Variants in ABLIM2 observed in about 807,000 individuals in gnomAD.
ABLIM2 encodes the protein actin-binding LIM protein 2.
A neutral mutation model predicts 97.7 loss-of-function variants in ABLIM2; 53 were observed. The ratio of observed to expected loss-of-function variants is 0.54; its 90% CI spans 0.44 to 0.68. The LOEUF (loss-of-function observed/expected upper bound fraction) is 0.68, where lower values mean the gene tolerates loss of function less well. ABLIM2 is among the 30% of genes least tolerant of loss of function. The pLI, the probability that ABLIM2 is intolerant of heterozygous loss-of-function variation, is 0.00. For missense variants in ABLIM2, 835 were observed against 867.2 expected (o/e 0.96, Z 0.47); for synonymous variants, 361 against 345.8 (o/e 1.04, Z -0.49).
At chr4:8,073,902 C>A (rs1358129640) in intron 6 of ABLIM2, among the ~76,000 whole-genome samples, 2 of 151,312 alleles carry the variant, frequency 1.3e-5, no homozygotes, top group Non-Finnish European at 2.9e-5. Flanking sequence ...AGCCTGCCAA[C>A]ATGGTGACAT....
In ABLIM2 at chr4:8,071,805, G is replaced by A; in HGVS notation, c.675+5823C>T. On this transcript the variant is annotated intron_variant, in intron 6 of 20. Coordinates refer to ENST00000447017, the MANE Select transcript of ABLIM2 (RefSeq NM_001130083.2). The surrounding 1 kb of genome is among the most constrained non-coding windows in gnomAD (Gnocchi z 6.2). ...CTGGGCACCAGAGCCCAGTCTGACG[G>A]CCCTGCTTGAGTGCCGTGCTCCCTG... The A allele has an allele frequency of 1.0e-6, 1 of 985,460 alleles. No homozygotes were observed. Among genetic ancestry groups the A allele is most frequent in the Non-Finnish European group, 1.2e-6 (1 of 830,012 alleles). The allele number at this position is 985,460 out of a possible 1,614,324, so 61.0% of individuals were successfully genotyped here.
chr4:8,152,366 T>C (rs1713254953), intron 1 of ABLIM2, among the ~76,000 whole-genome samples: 1 of 152,162 alleles, frequency 6.6e-6, no homozygotes, highest in Non-Finnish European at 1.5e-5. Context: ...CTCGCAGGCA[T>C]TTCTTCCTCC....
At chr4:8,094,682 T>C (rs1830499292) in intron 3 of ABLIM2, among the ~76,000 whole-genome samples, 1 of 152,240 alleles carries the variant, frequency 6.6e-6, no homozygotes, top group Admixed American at 6.5e-5. Flanking sequence ...GTGTATTTCA[T>C]TTCTGCCTTT....
intron 9 of ABLIM2, among the ~76,000 whole-genome samples, chr4:8,039,434 G>A (rs909697029): frequency 2.0e-5 from 3 of 152,106 alleles, no homozygotes; most frequent in Non-Finnish European, 4.4e-5. Flanking sequence ...GCCCCTGCCC[G>A]ACCCCTCAGA....
rs1760683917 is a variant in ABLIM2 at position 8,005,524 on chromosome 4, G to A, written c.1618+2535C>T. 2.0e-6 allele frequency: 1 copy of A among 505,738 alleles called. No individual in the cohort carries two copies. The highest frequency in any genetic ancestry group is 1.9e-5 in the African/African-American group (1 of 51,656). The allele number at this position is 505,738 out of a possible 1,614,324, so 31.3% of individuals were successfully genotyped here. ...GGTGCCCACGGACTCAGGTCTGGGG[G>A]CTACTTGGTGACAATCAAAAGAACC... On this transcript the variant is annotated intron_variant, in intron 16 of 20. Coordinates refer to ENST00000447017, the MANE Select transcript of ABLIM2 (RefSeq NM_001130083.2). The surrounding 1 kb of genome is among the most constrained non-coding windows in gnomAD (Gnocchi z 4.9).
Position 8,149,774 on chromosome 4 carries a change from G to A in ABLIM2, c.10+8906C>T, listed in dbSNP as rs115163518. Among the ~76,000 whole-genome samples, 847 of 152,096 alleles carry A rather than the reference G, an allele frequency of 5.6e-3. 4 individuals carry two copies. Among genetic ancestry groups the A allele is most frequent in the African/African-American group, 0.02 (821 of 41,488 alleles). ...TGACTGCTGGACACAGAGAAGGCCC[G>A]GACCTAGGCTGAGACTTCCCCAGCA... On this transcript the variant is annotated intron_variant, in intron 1 of 20. Coordinates refer to ENST00000447017, the MANE Select transcript of ABLIM2 (RefSeq NM_001130083.2). The surrounding 1 kb of genome is among the most constrained non-coding windows in gnomAD (Gnocchi z 6.4).
At position 8,071,049 on chromosome 4, in the gene ABLIM2, T is replaced by A. The variant is rs1016508839; in HGVS notation, c.675+6579A>T. On this transcript the variant is annotated intron_variant, in intron 6 of 20. Coordinates refer to ENST00000447017, the MANE Select transcript of ABLIM2 (RefSeq NM_001130083.2). The surrounding 1 kb of genome is among the most constrained non-coding windows in gnomAD (Gnocchi z 6.2). The stretch of plus-strand genomic sequence containing the variant: ...CCTGGAAGGTGGGGCTCTGAACACA[T>A]GGCCAGTGGCTTCTCCTCATCCACA... Among the ~76,000 whole-genome samples, 2 of 152,110 alleles carry A rather than the reference T, an allele frequency of 1.3e-5. No individual in the cohort carries two copies. Among genetic ancestry groups the A allele is most frequent in the Non-Finnish European group, 2.9e-5 (2 of 67,984 alleles).
chr4:8,098,992 G>A (rs563889555), intron 2 of ABLIM2, among the ~76,000 whole-genome samples: 65 of 152,338 alleles, frequency 4.3e-4, no homozygotes, highest in Non-Finnish European at 7.5e-4. Context: ...GCCTGCACTC[G>A]CTCCTCCTGG....
At chr4:8,074,853 T>C (rs1425043236) in intron 6 of ABLIM2, among the ~76,000 whole-genome samples, 1 of 146,866 alleles carries the variant, frequency 6.8e-6, no homozygotes, top group Non-Finnish European at 1.5e-5. Context: ...CAGTCTCGGC[T>C]CACTGCAACC....
chr4:8,064,734 C>T (rs185445752), intron 6 of ABLIM2, among the ~76,000 whole-genome samples: 11 of 152,084 alleles, frequency 7.2e-5, no homozygotes, highest in African/African-American at 2.7e-4. Flanking sequence ...CCAGGCAAAG[C>T]GATCTACCTG....
intron 3 of ABLIM2, among the ~76,000 whole-genome samples, chr4:8,093,242 C>A (rs755860794): frequency 2.6e-5 from 4 of 152,156 alleles, no homozygotes; most frequent in African/African-American, 4.8e-5. Context: ...TGTAGAGCAG[C>A]GCTTCATCAG....
chr4:7,995,556 G>T (rs1449634836), intron 16 of ABLIM2, among the ~76,000 whole-genome samples: 2 of 152,212 alleles, frequency 1.3e-5, no homozygotes. Context: ...GGACAGAGAA[G>T]AAATTCCATG....
At chr4:8,030,539 G>A (rs1441263786) in intron 10 of ABLIM2, among the ~76,000 whole-genome samples, 2 of 152,232 alleles carry the variant, frequency 1.3e-5, no homozygotes, top group African/African-American at 4.8e-5. Flanking sequence ...TGGCCTGTCA[G>A]AGCACGTCTC....
rs1342437302 is a variant in ABLIM2 at position 8,022,451 on chromosome 4, G to C, written c.1268-2148C>G. On this transcript the variant is annotated intron_variant, in intron 12 of 20. Transcript: ENST00000447017. The surrounding 1 kb of genome is among the most constrained non-coding windows in gnomAD (Gnocchi z 7.8). ...CATCAGCTTTCATCAGATACTTGGA[G>C]GGGCCTGAGGCCGCAGGGAAGCTGG... 1.3e-5 allele frequency among the ~76,000 whole-genome samples: 2 copies of C among 152,216 alleles called. No homozygotes were observed. The highest frequency in any genetic ancestry group is 1.9e-4 in the East Asian group (1 of 5,194).
rs571772524 is a variant in ABLIM2, at chr4:8,103,105, G to A, written c.154+3389C>T. Among the ~76,000 whole-genome samples, 13 of 152,358 alleles carry A rather than the reference G, an allele frequency of 8.5e-5. No individual in the cohort carries two copies. The East Asian group carries it at 2.5e-3, about 29-fold the overall frequency. On this transcript the variant is annotated intron_variant, in intron 2 of 20. Transcript: ENST00000447017. ...CGCACAGGGTGCAGTGTGGGAGAGG[G>A]AACATTTGGGCATCCATCATGACCC...
At chr4:8,115,823 G>A (rs1842542310) in intron 1 of ABLIM2, among the ~76,000 whole-genome samples, 1 of 152,150 alleles carries the variant, frequency 6.6e-6, no homozygotes, top group Non-Finnish European at 1.5e-5. Context: ...AAGACACCAG[G>A]CAGCTTCCAA....
intron 2 of ABLIM2, 120 bp from the exon 3 acceptor site, chr4:8,097,402 G>A (rs1433791220): frequency 3.2e-6 from 4 of 1,248,376 alleles, no homozygotes; most frequent in Non-Finnish European, 4.4e-6. Flanking sequence ...CTGAGGCCTC[G>A]GCACACACTT....
At position 8,021,472 on chromosome 4, in the gene ABLIM2, T is replaced by C. The variant is rs1427392982; in HGVS notation, c.1268-1169A>G. Among the ~76,000 whole-genome samples the C allele has an allele frequency of 6.6e-6, 1 of 152,170 alleles. No homozygotes were observed. Among genetic ancestry groups the C allele is most frequent in the African/African-American group, 2.4e-5 (1 of 41,454 alleles). Reference sequence around the variant, plus strand: ...AGGAAGCCCCCTCAGCACTAGGCAATGGGCTGCAAGGGGTAAGGCGCTCTT... The same window carrying C: ...AGGAAGCCCCCTCAGCACTAGGCAACGGGCTGCAAGGGGTAAGGCGCTCTT... On this transcript the variant is annotated intron_variant, in intron 12 of 20. Coordinates refer to ENST00000447017, the MANE Select transcript of ABLIM2 (RefSeq NM_001130083.2). This position sits in a 1 kb window ranked among gnomAD's most constrained non-coding sequence, Gnocchi z 5.5.
In ABLIM2 at chr4:8,087,019, T is replaced by C. The variant is rs2152503467; in HGVS notation, c.454+1150A>G. The stretch of plus-strand genomic sequence containing the variant: ...CAGCTCCCAGGGCCAGTGCTGCACC[T>C]CGGGGAGGCTGGAAGTGGAATCGCC... On this transcript the variant is annotated intron_variant, in intron 4 of 20. Transcript: ENST00000447017. The surrounding 1 kb of genome is among the most constrained non-coding windows in gnomAD (Gnocchi z 4.6). Among the ~76,000 whole-genome samples, 1 of 152,046 alleles carries C rather than the reference T, an allele frequency of 6.6e-6. No individual in the cohort carries two copies. Among genetic ancestry groups the C allele is most frequent in the South Asian group, 2.1e-4 (1 of 4,802 alleles).
Sources: gnomAD v4.1 joint callset for allele counts (sites outside exome capture counted in the v4.1 genomes callset) on GRCh38, gnomAD v4.1.1 for gene constraint, Gnocchi (gnomAD v3.1) non-coding constraint, MANE v1.5 for transcripts, NCBI Gene and HGNC (gene_info 2026-07-23, HGNC 2026-07-21) for gene names.